GAB1: variants seen among roughly 807,000 people sequenced by gnomAD.
GAB1 encodes the protein GRB2-associated-binding protein 1.
In GAB1, 19 loss-of-function variants were observed where a neutral mutation model predicts 66.5. The ratio of observed to expected loss-of-function variants is 0.29; its 90% CI spans 0.20 to 0.42. The LOEUF is 0.42. Among genes scored for constraint, GAB1 ranks in the 10% least tolerant of loss-of-function variants. GAB1 has a pLI of 1.00. For missense variants in GAB1, 732 were observed against 858.5 expected (o/e 0.85, Z 1.84); for synonymous variants, 294 against 301.4 (o/e 0.98, Z 0.25).
At chr4:143,375,786 G>T (rs150026913) in intron 1 of GAB1, among the ~76,000 whole-genome samples, 41 of 152,238 alleles carry the variant, frequency 2.7e-4, no homozygotes, top group African/African-American at 8.9e-4. Context: ...ATTGTTTGTT[G>T]TGTGGCCTGC....
At chr4:143,462,107 T>C (rs1735523343) in intron 8 of GAB1, among the ~76,000 whole-genome samples, 1 of 152,134 alleles carries the variant, frequency 6.6e-6, no homozygotes, top group African/African-American at 2.4e-5. Context: ...AAATATCAAA[T>C]TTATAAAGTA....
At chr4:143,379,642 C>T (rs915999967) in intron 1 of GAB1, among the ~76,000 whole-genome samples, 1 of 152,044 alleles carries the variant, frequency 6.6e-6, no homozygotes, top group Non-Finnish European at 1.5e-5. Flanking sequence ...CCCAAGCTAG[C>T]CTGCAGTGAT....
rs780714345 is a variant in GAB1, at chr4:143,474,224, A to G, written c.*5035A>G. On this transcript the variant is annotated 3_prime_UTR_variant, in exon 10 of 10. Coordinates refer to ENST00000262994, the MANE Select transcript of GAB1 (RefSeq NM_002039.4). ...AAAATTAAGTTTCTAAGATGTTTCT[A>G]TACTTCATTAGAAAAGATTTTATTA... The G allele has an allele frequency of 3.3e-5, 5 of 152,206 alleles. No homozygotes were observed. Among genetic ancestry groups the G allele is most frequent in the Admixed American group, 6.6e-5 (1 of 15,264 alleles). 9.4% of individuals were successfully genotyped at this position (152,206 alleles called of 1,614,324 possible).
intron 1 of GAB1, among the ~76,000 whole-genome samples, chr4:143,371,501 C>T (rs1730120146): frequency 6.6e-6 from 1 of 152,100 alleles, no homozygotes; most frequent in Admixed American, 6.5e-5. Flanking sequence ...CTGTAGGTTG[C>T]CTGTTCACTC....
intron 1 of GAB1, among the ~76,000 whole-genome samples, chr4:143,354,468 A>G (rs896517433): frequency 2.0e-5 from 3 of 152,148 alleles, no homozygotes; most frequent in Admixed American, 2.0e-4. Context: ...ATAAATTTTC[A>G]GTGGGGGTAT....
At chr4:143,363,797 C>A (rs1425747749) in intron 1 of GAB1, among the ~76,000 whole-genome samples, 3 of 152,036 alleles carry the variant, frequency 2.0e-5, no homozygotes, top group Non-Finnish European at 2.9e-5. Context: ...CTCTGGTGGT[C>A]CTTGGGGCCA....
chr4:143,407,170 A>C (rs572734979), intron 1 of GAB1, among the ~76,000 whole-genome samples: 1 of 152,118 alleles, frequency 6.6e-6, no homozygotes, highest in Admixed American at 6.5e-5. Context: ...AAAAGTTTTC[A>C]TTGCTTTAAT....
chr4:143,395,592 C>A, intron 1 of GAB1: 1 of 251,838 alleles, frequency 4.0e-6, no homozygotes, highest in Non-Finnish European at 7.8e-6. Flanking sequence ...TTGTTAGATG[C>A]AAATAACTCT....
intron 1 of GAB1, among the ~76,000 whole-genome samples, chr4:143,412,937 G>A (rs1377164526): frequency 1.3e-5 from 2 of 152,152 alleles, no homozygotes; most frequent in Non-Finnish European, 1.5e-5. Flanking sequence ...AGGGGCAAAT[G>A]ACACTCTATA....
rs1316804394 is a variant in GAB1 at position 143,474,170 on chromosome 4, T to A, written c.*4981T>A. 6.6e-6 allele frequency: 1 copy of A among 152,208 alleles called. No individual in the cohort carries two copies. Among genetic ancestry groups the A allele is most frequent in the African/African-American group, 2.4e-5 (1 of 41,444 alleles). The allele number at this position is 152,208 out of a possible 1,614,324, so 9.4% of individuals were successfully genotyped here. A position where few individuals can be genotyped will look rare whatever the true frequency, so the allele number is the denominator to read the frequency against. ...GATTTAAAATTATACAAAATTACTA[T>A]TTTTGATAAAATAAAGGAACACCTA... On this transcript the variant is annotated 3_prime_UTR_variant, in exon 10 of 10. Coordinates refer to ENST00000262994, the MANE Select transcript of GAB1 (RefSeq NM_002039.4).
chr4:143,358,038 C>CT (rs1729517210), intron 1 of GAB1, among the ~76,000 whole-genome samples: 1 of 152,064 alleles, frequency 6.6e-6, no homozygotes, highest in African/African-American at 2.4e-5. Flanking sequence ...CTTTTAAAAA[C>CT]TAAGAACCTA....
At chr4:143,394,650 T>C (rs1006546764) in intron 1 of GAB1, among the ~76,000 whole-genome samples, 2 of 152,206 alleles carry the variant, frequency 1.3e-5, no homozygotes, top group African/African-American at 2.4e-5. Flanking sequence ...ATTTTTTGGG[T>C]TCCTAAATAT....
chr4:143,391,460 C>T (rs991771613), intron 1 of GAB1: 1 of 152,198 alleles, frequency 6.6e-6, no homozygotes, highest in Non-Finnish European at 1.5e-5. Context: ...ATCTGGGCAA[C>T]AAGAAAGGCT....
chr4:143,349,845 A>C, intron 1 of GAB1: 1 of 1,583,944 alleles, frequency 6.3e-7, no homozygotes, highest in South Asian at 1.1e-5. Context: ...TCAAAACCTC[A>C]TCCTTGAGAG....
intron 1 of GAB1, among the ~76,000 whole-genome samples, chr4:143,409,075 C>G (rs1732219534): frequency 6.6e-6 from 1 of 152,168 alleles, no homozygotes. Flanking sequence ...AGGGAATGGG[C>G]TTGTTAATGG....
At chr4:143,353,863 G>C (rs1729331897) in intron 1 of GAB1, among the ~76,000 whole-genome samples, 1 of 152,130 alleles carries the variant, frequency 6.6e-6, no homozygotes, top group South Asian at 2.1e-4. Flanking sequence ...TAACTAGCTT[G>C]CTAATCCTTT....
chr4:143,337,866 G>A (rs913833690), intron 1 of GAB1, among the ~76,000 whole-genome samples: 2 of 152,160 alleles, frequency 1.3e-5, no homozygotes, highest in African/African-American at 4.8e-5. Context: ...TCACATTTTC[G>A]CGGTTTTGAA....
At position 143,337,280 on chromosome 4, in the gene GAB1, C is replaced by A; in HGVS notation, c.72+20C>A. ...CGTTATGTAAGTAGAGCTGCGGGCA[C>A]CACTCCGCGGGCCTCGGCGTCCACA... On this transcript the variant is annotated intron_variant, in intron 1 of 9. Coordinates refer to ENST00000262994, the MANE Select transcript of GAB1 (RefSeq NM_002039.4). 3.2e-6 allele frequency: 5 copies of A among 1,563,468 alleles called. No individual in the cohort carries two copies. Among genetic ancestry groups the A allele is most frequent in the Non-Finnish European group, 4.3e-6 (5 of 1,152,198 alleles).
At position 143,436,592 on chromosome 4, in the gene GAB1, A is replaced by G. The variant is rs545284979; in HGVS notation, c.594-1407A>G. On this transcript the variant is annotated intron_variant, in intron 3 of 9. Coordinates refer to ENST00000262994, the MANE Select transcript of GAB1 (RefSeq NM_002039.4). ...GTGGCAATGGGAATAGAACAAGGGAATAAGTACGCGGCTAAGAAGAAGGGC... is the reference window on the plus strand; with the variant it reads ...GTGGCAATGGGAATAGAACAAGGGAGTAAGTACGCGGCTAAGAAGAAGGGC... 1.2e-4 allele frequency among the ~76,000 whole-genome samples: 18 copies of G among 152,276 alleles called. No homozygotes were observed. In the East Asian group the frequency reaches 3.3e-3, roughly 28 times the overall value.
Sources: gnomAD v4.1 joint callset for allele counts (sites outside exome capture counted in the v4.1 genomes callset) on GRCh38, gnomAD v4.1.1 for gene constraint, MANE v1.5 for transcripts, NCBI Gene and HGNC (gene_info 2026-07-23, HGNC 2026-07-21) for gene names.